Variants in DNAAF11 observed in about 807,000 individuals in gnomAD.
DNAAF11 encodes the protein dynein axonemal assembly factor 11.
Under a neutral mutation model 60.8 loss-of-function variants are expected in DNAAF11, and 45 were observed. The observed-to-expected ratio is 0.74, with a 90% CI of 0.58 to 0.95. The LOEUF is 0.95. Ranked by LOEUF, DNAAF11 falls within the 40% of genes least tolerant of loss-of-function variation. DNAAF11 has a pLI of 0.00. For missense variants in DNAAF11, 546 were observed against 546.2 expected (o/e 1.00, Z 0.00); for synonymous variants, 191 against 183.5 (o/e 1.04, Z -0.33).
At chr8:132,692,300 A>G in the DNAAF11 span, among the ~76,000 whole-genome samples, 1 of 152,184 alleles carries the variant, frequency 6.6e-6, no homozygotes, top group Non-Finnish European at 1.5e-5. Flanking sequence ...AAATGAACTA[A>G]TTTCCTTTTA....
intron 10 of DNAAF11, among the ~76,000 whole-genome samples, chr8:132,590,596 G>A (rs1013072042): frequency 2.0e-5 from 3 of 152,122 alleles, no homozygotes; most frequent in Admixed American, 2.0e-4. Context: ...TCTTATTTAT[G>A]TTGTGTTTCT....
intron 3 of DNAAF11, among the ~76,000 whole-genome samples, chr8:132,655,337 A>G (rs1823436414): frequency 6.6e-6 from 1 of 152,148 alleles, no homozygotes; most frequent in Non-Finnish European, 1.5e-5. Flanking sequence ...AGAAGAATTA[A>G]CACAAATTTT....
the DNAAF11 span, among the ~76,000 whole-genome samples, chr8:132,694,122 T>C: frequency 6.6e-6 from 1 of 152,166 alleles, no homozygotes; most frequent in Non-Finnish European, 1.5e-5. Context: ...ACCTTGAAGT[T>C]GGTAAGCAGG....
At chr8:132,660,871 A>G (rs1824066023) in intron 2 of DNAAF11, among the ~76,000 whole-genome samples, 1 of 152,182 alleles carries the variant, frequency 6.6e-6, no homozygotes, top group Admixed American at 6.5e-5. Flanking sequence ...CAATATTAGC[A>G]AGCCCACTTG....
At chr8:132,640,279 G>A (rs1375756073) in intron 3 of DNAAF11, among the ~76,000 whole-genome samples, 1 of 151,962 alleles carries the variant, frequency 6.6e-6, no homozygotes, top group African/African-American at 2.4e-5. Context: ...ACCTTCAATG[G>A]TGATATATCC....
chr8:132,578,454 C>T (rs549783487), intron 11 of DNAAF11: 6 of 1,527,180 alleles, frequency 3.9e-6, no homozygotes, highest in Non-Finnish European at 4.4e-6. Context: ...GACGGACGCC[C>T]ATCACTGGTC....
chr8:132,696,650 AGTGACAAGATTGG>A, the DNAAF11 span, among the ~76,000 whole-genome samples: 3 of 152,210 alleles, frequency 2.0e-5, no homozygotes, highest in Non-Finnish European at 1.5e-5. Context: ...ACATGAAATC[AGTGACAAGATTGG>A]GTAAAGAAAA....
chr8:132,598,016 G>A (rs532613544), intron 10 of DNAAF11, among the ~76,000 whole-genome samples: 1 of 152,162 alleles, frequency 6.6e-6, no homozygotes, highest in Non-Finnish European at 1.5e-5. Context: ...TAATCTGGCT[G>A]TAGATGAAAA....
chr8:132,621,717 T>G (rs184120557), intron 7 of DNAAF11, among the ~76,000 whole-genome samples: 5 of 152,130 alleles, frequency 3.3e-5, no homozygotes, highest in Admixed American at 3.3e-4. Flanking sequence ...TGAGTGTGGG[T>G]AAGGGGAAGG....
the DNAAF11 span, among the ~76,000 whole-genome samples, chr8:132,687,891 T>C: frequency 1.3e-5 from 2 of 152,230 alleles, no homozygotes; most frequent in Admixed American, 6.5e-5. Flanking sequence ...CTTAGCTTTC[T>C]TGAGAGTATT....
At position 132,570,547 on chromosome 8, in the gene DNAAF11, T is replaced by A. The variant is rs1014227983; in HGVS notation, c.*1759A>T. 6.6e-6 allele frequency among the ~76,000 whole-genome samples: 1 copy of A among 152,146 alleles called. No individual in the cohort carries two copies. The highest frequency in any genetic ancestry group is 1.5e-5 in the Non-Finnish European group (1 of 68,024). ...GATTTCCAAGTTGGTAGAGGTTGAG[T>A]TCTGTTGGATTATGATATGTCAAGT... On this transcript the variant is annotated 3_prime_UTR_variant, in exon 12 of 12. Transcript: ENST00000620350.
At chr8:132,614,779 A>T (rs554262592) in intron 8 of DNAAF11, among the ~76,000 whole-genome samples, 2 of 152,180 alleles carry the variant, frequency 1.3e-5, no homozygotes, top group Non-Finnish European at 2.9e-5. Context: ...AGCATCAGAA[A>T]ACAGCACAGG....
intron 1 of DNAAF11, among the ~76,000 whole-genome samples, chr8:132,663,834 C>T (rs1824363434): frequency 6.6e-6 from 1 of 152,210 alleles, no homozygotes; most frequent in African/African-American, 2.4e-5. Flanking sequence ...ACATCAGGTA[C>T]ATATCCCAAC....
chr8:132,616,541 AGGTTTCT>A (rs1298013457), intron 7 of DNAAF11, among the ~76,000 whole-genome samples: 1 of 152,114 alleles, frequency 6.6e-6, no homozygotes. Context: ...GGAGAATCCA[AGGTTTCT>A]GGTCTTAGCC....
At chr8:132,698,946 A>ATTTTGTGTGTGTGTGTG in the DNAAF11 span, among the ~76,000 whole-genome samples, 2 of 60,496 alleles carry the variant, frequency 3.3e-5, no homozygotes, top group African/African-American at 4.4e-4. Context: ...ACATATATAT[A>ATTTTGTGTGTGTGTGTG]TATATATATA....
chr8:132,605,339 C>A (rs1818026529), intron 10 of DNAAF11, among the ~76,000 whole-genome samples: 1 of 152,134 alleles, frequency 6.6e-6, no homozygotes, highest in Non-Finnish European at 1.5e-5. Flanking sequence ...TTCCAATGGT[C>A]TTTTCAGAGG....
At chr8:132,619,741 T>C (rs1297945375) in intron 7 of DNAAF11, among the ~76,000 whole-genome samples, 4 of 152,210 alleles carry the variant, frequency 2.6e-5, no homozygotes, top group Non-Finnish European at 5.9e-5. Flanking sequence ...CAAAGATTTT[T>C]AGAATTTGTT....
At chr8:132,684,201 C>T in the DNAAF11 span, among the ~76,000 whole-genome samples, 2 of 152,206 alleles carry the variant, frequency 1.3e-5, no homozygotes, top group African/African-American at 4.8e-5. Context: ...TCAGTTTCAT[C>T]AGTTCACTAG....
At chr8:132,642,198 T>C (rs560181350) in intron 3 of DNAAF11, among the ~76,000 whole-genome samples, 1 of 152,352 alleles carries the variant, frequency 6.6e-6, no homozygotes, top group South Asian at 2.1e-4. Flanking sequence ...AATATGCTTA[T>C]TAACTACATG....
Sources: allele counts gnomAD v4.1 joint callset (sites outside exome capture counted in the v4.1 genomes callset), GRCh38; gene constraint gnomAD v4.1.1; transcripts MANE v1.5; gene names NCBI Gene and HGNC (gene_info 2026-07-23, HGNC 2026-07-21).